HTR2C: variants seen among roughly 807,000 people sequenced by gnomAD.
The protein encoded by HTR2C is 5-hydroxytryptamine (serotonin) receptor 2C, G protein-coupled.
HTR2C carries 5 observed loss-of-function variants against 21.0 expected under a neutral mutation model. The ratio of observed to expected loss-of-function variants is 0.24; its 90% CI spans 0.12 to 0.50. The LOEUF (loss-of-function observed/expected upper bound fraction) is 0.50, where lower values mean the gene tolerates loss of function less well. HTR2C is among the 20% of genes least tolerant of loss of function. The pLI, the probability that HTR2C is intolerant of heterozygous loss-of-function variation, is 0.98. For synonymous variants in HTR2C, 150 were observed against 145.3 expected (o/e 1.03, Z -0.23); for missense variants, 271 against 371.2 (o/e 0.73, Z 2.22).
chrX:114,852,877 G>C (rs1425258684), intron 5 of HTR2C, among the ~76,000 whole-genome samples: 5 of 110,077 alleles, frequency 4.5e-5, no homozygotes, highest in African/African-American at 1.7e-4. Context: ...CATATTATTG[G>C]AAGTTTAACT....
At chrX:114,771,157 A>T (rs1556436889) in intron 4 of HTR2C, among the ~76,000 whole-genome samples, 2 of 111,173 alleles carry the variant, frequency 1.8e-5, no homozygotes, top group Non-Finnish European at 3.8e-5. Flanking sequence ...CGGACATTTT[A>T]AATAATATAT....
At chrX:114,683,982 T>C in intron 2 of HTR2C, among the ~76,000 whole-genome samples, 1 of 111,468 alleles carries the variant, frequency 9.0e-6, no homozygotes, top group Non-Finnish European at 1.9e-5. Context: ...GTTCATACAA[T>C]TGCTAAGGCA....
intron 2 of HTR2C, among the ~76,000 whole-genome samples, chrX:114,638,499 G>GTTTATTTATTTATTTATTTATTTA (rs200717009): frequency 0.09 from 9,098 of 100,643 alleles, 405 homozygotes; most frequent in South Asian, 0.23. Context: ...TATGTAATAC[G>GTTTATTTATTTATTTATTTATTTA]TTTATTTATT....
intron 5 of HTR2C, among the ~76,000 whole-genome samples, chrX:114,866,593 C>T (rs1184075322): frequency 1.6e-5 from 1 of 61,252 alleles, no homozygotes; most frequent in Admixed American, 2.7e-4. Context: ...AGGCCTTATT[C>T]ATTCTTTCTA....
At chrX:114,734,655 G>T (rs1055368478) in intron 4 of HTR2C, among the ~76,000 whole-genome samples, 9 of 104,732 alleles carry the variant, frequency 8.6e-5, no homozygotes, top group Admixed American at 8.2e-4. Context: ...GACATTCTTT[G>T]AAAGACAAAT....
intron 4 of HTR2C, among the ~76,000 whole-genome samples, chrX:114,754,961 C>T (rs1486102331): frequency 8.9e-6 from 1 of 111,767 alleles, no homozygotes; most frequent in Non-Finnish European, 1.9e-5. Context: ...CGGAAGTGGC[C>T]GGGCACGGTG....
At chrX:114,703,554 C>T (rs1162266333) in intron 2 of HTR2C, among the ~76,000 whole-genome samples, 2 of 111,586 alleles carry the variant, frequency 1.8e-5, no homozygotes, top group Non-Finnish European at 3.8e-5. Flanking sequence ...GGGACGCTTT[C>T]AAAGCAGTGA....
intron 1 of HTR2C, among the ~76,000 whole-genome samples, chrX:114,601,274 A>C (rs1928072559): frequency 9.0e-6 from 1 of 111,246 alleles, no homozygotes; most frequent in African/African-American, 3.3e-5. Flanking sequence ...AACTTTTTTC[A>C]TGTGCGTCCC....
At position 114,805,826 on chromosome X, in the gene HTR2C, TATATATACC is replaced by T. The variant is rs1460009767; in HGVS notation, c.350-42160_350-42152del. On this transcript the variant is annotated intron_variant, in intron 4 of 5. Transcript: ENST00000276198. ...ATGTATATACACCATATATATACCA[TATATATACC>T]ATATATACCATATATATACCATATA... Among the ~76,000 whole-genome samples the T allele has an allele frequency of 4.8e-4, 42 of 87,047 alleles. 1 individual carries two copies. Among genetic ancestry groups the T allele is most frequent in the African/African-American group, 2.2e-3 (42 of 18,778 alleles). 75.6% of individuals were successfully genotyped at this position (87,047 alleles called of 115,157 possible).
At chrX:114,777,266 G>T (rs2070068128) in intron 4 of HTR2C, among the ~76,000 whole-genome samples, 1 of 111,206 alleles carries the variant, frequency 9.0e-6, no homozygotes, top group Non-Finnish European at 1.9e-5. Context: ...AGTTCATAAG[G>T]TCTAAGAGGA....
At chrX:114,868,250 G>A (rs1290419370) in intron 5 of HTR2C, among the ~76,000 whole-genome samples, 1 of 110,330 alleles carries the variant, frequency 9.1e-6, no homozygotes, top group African/African-American at 3.3e-5. Context: ...GATATTTTAT[G>A]TGTGGCTATT....
chrX:114,802,381 C>T (rs1399719345), intron 4 of HTR2C, among the ~76,000 whole-genome samples: 1 of 111,538 alleles, frequency 9.0e-6, no homozygotes. Flanking sequence ...TAGATGAGAG[C>T]AGGAGCTTTT....
intron 1 of HTR2C, among the ~76,000 whole-genome samples, chrX:114,611,766 C>T (rs1473552718): frequency 9.0e-6 from 1 of 111,680 alleles, no homozygotes; most frequent in African/African-American, 3.3e-5. Context: ...GGCGCGATCT[C>T]GGCTCACTGC....
At chrX:114,661,286 C>G (rs894539489) in intron 2 of HTR2C, among the ~76,000 whole-genome samples, 2 of 110,763 alleles carry the variant, frequency 1.8e-5, no homozygotes, top group Non-Finnish European at 1.9e-5. Context: ...AACCCCGTCT[C>G]TACTAAAAAT....
chrX:114,821,424 T>A (rs782054434), intron 4 of HTR2C, among the ~76,000 whole-genome samples: 19 of 111,687 alleles, frequency 1.7e-4, no homozygotes, highest in African/African-American at 6.2e-4. Flanking sequence ...ATTTTAATAA[T>A]TGTTTGGTAC....
chrX:114,836,657 AC>A (rs1286701232), intron 4 of HTR2C, among the ~76,000 whole-genome samples: 1 of 111,613 alleles, frequency 9.0e-6, no homozygotes, highest in Non-Finnish European at 1.9e-5. Context: ...TGCAGAAATC[AC>A]CCGTCTTCTG....
Position 114,734,959 on chromosome X carries a change from T to C in HTR2C, c.349+3352T>C, listed in dbSNP as rs990806736. On this transcript the variant is annotated intron_variant, in intron 4 of 5. Coordinates refer to ENST00000276198, the MANE Select transcript of HTR2C (RefSeq NM_000868.4). ...AGTTGTCCATTAAGGCTATAAAAAG[T>C]TTAAGTCTTTTAAAATTCAGGGAAT... Among the ~76,000 whole-genome samples, 27 of 111,305 alleles carry C rather than the reference T, an allele frequency of 2.4e-4. No individual in the cohort carries two copies. In the South Asian group the frequency reaches 7.4e-3, roughly 31 times the overall value.
rs1556480797 is a variant in HTR2C at position 114,884,813 on chromosome X, A to G, written c.551-21776A>G. Among the ~76,000 whole-genome samples, 11 of 111,956 alleles carry G rather than the reference A, an allele frequency of 9.8e-5. No homozygotes were observed. The Admixed American group carries it at 1.0e-3, about 11-fold the overall frequency. Reference sequence around the variant, plus strand: ...ATTTGTTCCATTAGATATTTGGAGCATGTGATTTAATTTCCACGTATTTGT... The same window carrying G: ...ATTTGTTCCATTAGATATTTGGAGCGTGTGATTTAATTTCCACGTATTTGT... On this transcript the variant is annotated intron_variant, in intron 5 of 5. Coordinates refer to ENST00000276198, the MANE Select transcript of HTR2C (RefSeq NM_000868.4).
At chrX:114,756,031 A>G (rs1312333653) in intron 4 of HTR2C, among the ~76,000 whole-genome samples, 1 of 110,545 alleles carries the variant, frequency 9.0e-6, no homozygotes, top group Non-Finnish European at 1.9e-5. Context: ...GGATTGCTTG[A>G]GTCCACGAGT....
Sources: gnomAD v4.1 joint callset for allele counts (sites outside exome capture counted in the v4.1 genomes callset) on GRCh38, gnomAD v4.1.1 for gene constraint, MANE v1.5 for transcripts, NCBI Gene and HGNC (gene_info 2026-07-23, HGNC 2026-07-21) for gene names.